Variants in ANKRD17 observed in about 807,000 individuals in gnomAD.
ANKRD17 encodes ankyrin repeat domain-containing protein 17.
ANKRD17 carries 19 observed loss-of-function variants against 229.7 expected under a neutral mutation model. The ratio of observed to expected loss-of-function variants is 0.08; its 90% CI spans 0.06 to 0.12. ANKRD17 has a LOEUF of 0.12. Ranked by LOEUF, ANKRD17 falls within the 10% of genes least tolerant of loss-of-function variation. The pLI is 1.00. For synonymous variants in ANKRD17, 1,112 were observed against 1,146.1 expected (o/e 0.97, Z 0.60); for missense variants, 2,176 against 3,176.8 (o/e 0.68, Z 7.57).
intron 15 of ANKRD17, among the ~76,000 whole-genome samples, chr4:73,139,300 A>C (rs545474031): frequency 1.1e-3 from 165 of 152,314 alleles, no homozygotes; most frequent in African/African-American, 3.8e-3. Flanking sequence ...CTAGATTCTC[A>C]AGCTACCAAG....
At chr4:73,146,145 T>C (rs569240086) in intron 10 of ANKRD17, among the ~76,000 whole-genome samples, 1 of 152,218 alleles carries the variant, frequency 6.6e-6, no homozygotes, top group African/African-American at 2.4e-5. Context: ...TTTTTTCCAA[T>C]TGAAATATCT....
At chr4:73,221,476 T>C (rs1996057) in intron 1 of ANKRD17, among the ~76,000 whole-genome samples, 53,948 of 151,952 alleles carry the variant, frequency 0.36, 10,252 homozygotes, top group South Asian at 0.46. Flanking sequence ...AATTGTCAAA[T>C]AGATTTATCA....
At chr4:73,194,635 A>C (rs947410502) in intron 1 of ANKRD17, among the ~76,000 whole-genome samples, 1 of 152,168 alleles carries the variant, frequency 6.6e-6, no homozygotes, top group African/African-American at 2.4e-5. Flanking sequence ...ATTTACATTT[A>C]ACAGTATTGA....
intron 29 of ANKRD17, 75 bp from the exon 30 acceptor site, chr4:73,085,521 G>C: frequency 7.8e-7 from 1 of 1,279,700 alleles, no homozygotes; most frequent in South Asian, 1.3e-5. Context: ...AATTCTAAAA[G>C]GCCCTAAATA....
chr4:73,101,982 G>A (rs1724061993), intron 25 of ANKRD17, among the ~76,000 whole-genome samples: 1 of 151,916 alleles, frequency 6.6e-6, no homozygotes, highest in Admixed American at 6.6e-5. Flanking sequence ...CCAGGCTGGA[G>A]TGCAGTGGTG....
rs989079707 is a variant in ANKRD17 at position 73,074,949 on chromosome 4, G to T, written c.*1282C>A. 2.0e-5 allele frequency: 3 copies of T among 152,380 alleles called. No individual in the cohort carries two copies. The highest frequency in any genetic ancestry group is 4.4e-5 in the Non-Finnish European group (3 of 67,888). 9.4% of individuals were successfully genotyped at this position (152,380 alleles called of 1,614,324 possible). ...CCACTGAGTAGTTTAGTGTGGCCTT[G>T]TATCTTTTATAAACAGGTTAAATGG... On this transcript the variant is annotated 3_prime_UTR_variant, in exon 34 of 34. Coordinates refer to ENST00000358602, the MANE Select transcript of ANKRD17 (RefSeq NM_032217.5).
chr4:73,108,116 C>T (rs1025615016), intron 24 of ANKRD17, among the ~76,000 whole-genome samples: 1 of 152,144 alleles, frequency 6.6e-6, no homozygotes, highest in Admixed American at 6.5e-5. Flanking sequence ...CCCACCTCCA[C>T]CTCCTGAGTA....
chr4:73,094,129 T>C lies in ANKRD17; in HGVS notation c.5277A>G (p.Ile1759Met). 6.2e-7 allele frequency: 1 copy of C among 1,613,804 alleles called. No homozygotes were observed. Among genetic ancestry groups the C allele is most frequent in the Non-Finnish European group, 8.5e-7 (1 of 1,179,812 alleles). ...NAIREFTGAH[I>M]DIDKQKDKTG... ...TCTTGTCTTTCTGTTTATCAATATCTATGTGTGCACCAGTAAACTCCCGAA... is the reference window on the plus strand; with the variant it reads ...TCTTGTCTTTCTGTTTATCAATATCCATGTGTGCACCAGTAAACTCCCGAA... The change falls in exon 28 of 34, where the codon ATA becomes ATG. Residue 1759 changes from isoleucine (I) to methionine (M), a missense_variant. Ile to Met is a conservative substitution (Grantham distance 10). This residue lies in a region of ANKRD17 where 27 missense variants were observed against 89.2 expected (regional missense o/e 0.30). Transcript: ENST00000358602.
At chr4:73,167,929 G>A (rs950826082) in intron 2 of ANKRD17, among the ~76,000 whole-genome samples, 1 of 151,846 alleles carries the variant, frequency 6.6e-6, no homozygotes, top group Non-Finnish European at 1.5e-5. Flanking sequence ...GAGGTGGGTG[G>A]ATCACGAGGT....
At chr4:73,181,573 T>C (rs1735548341) in intron 1 of ANKRD17, among the ~76,000 whole-genome samples, 1 of 152,112 alleles carries the variant, frequency 6.6e-6, no homozygotes, top group African/African-American at 2.4e-5. Flanking sequence ...ATTATGGGCA[T>C]ACACCTCTCT....
At chr4:73,126,019 C>T (rs1727419764) in intron 16 of ANKRD17, among the ~76,000 whole-genome samples, 1 of 152,088 alleles carries the variant, frequency 6.6e-6, no homozygotes, top group African/African-American at 2.4e-5. Flanking sequence ...TCTCTGAAGA[C>T]AGAAATGATT....
At chr4:73,219,316 G>A (rs1323687945) in intron 1 of ANKRD17, among the ~76,000 whole-genome samples, 3 of 151,934 alleles carry the variant, frequency 2.0e-5, no homozygotes, top group Non-Finnish European at 4.4e-5. Flanking sequence ...ATATAACAAT[G>A]TGCCTTACAG....
At chr4:73,180,067 A>G (rs1735344311) in intron 1 of ANKRD17, among the ~76,000 whole-genome samples, 2 of 152,160 alleles carry the variant, frequency 1.3e-5, no homozygotes, top group East Asian at 3.9e-4. Context: ...AACAGGTAAA[A>G]TGAATAGATG....
At chr4:73,085,223 A>G (rs1342070073) in intron 30 of ANKRD17, 26 bp downstream of exon 30, 2 of 1,602,634 alleles carry the variant, frequency 1.2e-6, no homozygotes, top group East Asian at 2.2e-5. Flanking sequence ...GCAGATTCTT[A>G]TGGAATTACG....
At chr4:73,079,530 CT>C (rs1263957869) in intron 30 of ANKRD17, among the ~76,000 whole-genome samples, 1 of 151,902 alleles carries the variant, frequency 6.6e-6, no homozygotes, top group Non-Finnish European at 1.5e-5. Context: ...ACAGCTGGGA[CT>C]ACTGGGATGA....
intron 11 of ANKRD17, among the ~76,000 whole-genome samples, chr4:73,144,295 T>C (rs1729964172): frequency 6.6e-6 from 1 of 152,242 alleles, no homozygotes; most frequent in Non-Finnish European, 1.5e-5. Context: ...ACATTTCTAT[T>C]GTGAACATTT....
Position 73,164,578 on chromosome 4 carries a change from C to G in ANKRD17, c.548-3230G>C, listed in dbSNP as rs542485430. On this transcript the variant is annotated intron_variant, in intron 2 of 33. Coordinates refer to ENST00000358602, the MANE Select transcript of ANKRD17 (RefSeq NM_032217.5). The stretch of plus-strand genomic sequence containing the variant: ...CTACTTGGCGGGTGGATTTCCTGAG[C>G]TCAGGAGTTGGAGATCAGCCTGGGC... Among the ~76,000 whole-genome samples, 83 of 152,124 alleles carry G rather than the reference C, an allele frequency of 5.5e-4. 1 individual carries two copies. In the South Asian group the frequency reaches 0.016, roughly 29 times the overall value.
intron 1 of ANKRD17, among the ~76,000 whole-genome samples, chr4:73,240,597 C>A (rs565381588): frequency 3.3e-5 from 5 of 152,026 alleles, no homozygotes; most frequent in Non-Finnish European, 7.4e-5. Flanking sequence ...TGCCCTCCAG[C>A]CTATGCAACA....
At chr4:73,107,720 G>C (rs1189171856) in intron 24 of ANKRD17, among the ~76,000 whole-genome samples, 1 of 152,184 alleles carries the variant, frequency 6.6e-6, no homozygotes, top group East Asian at 1.9e-4. Flanking sequence ...AAGTAAGCTA[G>C]CGTGGCTAAG....
Sources: gnomAD v4.1 joint callset for allele counts (sites outside exome capture counted in the v4.1 genomes callset) on GRCh38, gnomAD v4.1.1 for gene constraint, gnomAD v4.1.1 regional missense constraint, MANE v1.5 for transcripts, NCBI Gene and HGNC (gene_info 2026-07-23, HGNC 2026-07-21) for gene names.